The following ZNF407 variants were observed in gnomAD, a reference collection of about 807,000 sequenced individuals.
The protein encoded by ZNF407 is zinc finger protein 407.
In ZNF407, 17 loss-of-function variants were observed where a neutral mutation model predicts 131.2. The observed-to-expected ratio is 0.13, with a 90% CI of 0.09 to 0.19. The LOEUF (loss-of-function observed/expected upper bound fraction) is 0.19, where lower values mean the gene tolerates loss of function less well. ZNF407 is among the 10% of genes least tolerant of loss of function. ZNF407 has a pLI of 1.00. For synonymous variants in ZNF407, 1,156 were observed against 1,062.0 expected (o/e 1.09, Z -1.72); for missense variants, 2,681 against 2,830.6 (o/e 0.95, Z 1.20).
At chr18:74,650,050 T>C (rs897996432) in intron 3 of ZNF407, among the ~76,000 whole-genome samples, 3 of 152,228 alleles carry the variant, frequency 2.0e-5, no homozygotes, top group African/African-American at 7.2e-5. Context: ...TGTTTTCTCT[T>C]TTCCTTAAGA....
At chr18:74,978,585 A>G (rs566323718) in intron 8 of ZNF407, among the ~76,000 whole-genome samples, 1 of 152,010 alleles carries the variant, frequency 6.6e-6, no homozygotes, top group Non-Finnish European at 1.5e-5. Context: ...TTCCAGATGT[A>G]TGGCTTAATG....
chr18:74,808,160 T>C (rs1970141476), intron 4 of ZNF407, among the ~76,000 whole-genome samples: 1 of 152,096 alleles, frequency 6.6e-6, no homozygotes, highest in Admixed American at 6.5e-5. Context: ...ATTACATACA[T>C]GTGCCACCAC....
intron 1 of ZNF407, among the ~76,000 whole-genome samples, chr18:74,599,029 T>C (rs566744844): frequency 1.3e-5 from 2 of 152,288 alleles, no homozygotes; most frequent in South Asian, 4.1e-4. Context: ...TATGTATCTG[T>C]TTTGTGGTGA....
chr18:74,954,180 A>C (rs2145283259), intron 8 of ZNF407, among the ~76,000 whole-genome samples: 1 of 152,290 alleles, frequency 6.6e-6, no homozygotes, highest in Admixed American at 6.5e-5. Flanking sequence ...GCCAATTAGA[A>C]AAGCATTTTT....
chr18:74,983,873 C>G (rs191428648), intron 8 of ZNF407, among the ~76,000 whole-genome samples: 2 of 152,160 alleles, frequency 1.3e-5, no homozygotes, highest in Non-Finnish European at 2.9e-5. Context: ...TAGCCTGGCA[C>G]CGAGCAGCTC....
chr18:74,640,579 C>T (rs1319019278), intron 2 of ZNF407, among the ~76,000 whole-genome samples: 1 of 151,934 alleles, frequency 6.6e-6, no homozygotes, highest in Non-Finnish European at 1.5e-5. Flanking sequence ...AGGAGGTGGC[C>T]ACAGAGAAAT....
intron 4 of ZNF407, among the ~76,000 whole-genome samples, chr18:74,840,714 C>T (rs1970620238): frequency 1.3e-5 from 2 of 152,276 alleles, no homozygotes; most frequent in South Asian, 4.1e-4. Flanking sequence ...AGATCACCAT[C>T]TTCCTGTTTA....
At position 74,627,961 on chromosome 18, in the gene ZNF407, A is replaced by G. The variant is rs923444862; in HGVS notation, c.-53-3006A>G. ...TCAGTCGTAGCTCACTGCAGCCTCA[A>G]ACTCGGAGGCTCAAGCGATTTTCCC... is the stretch of plus-strand genomic sequence containing the variant. On this transcript the variant is annotated intron_variant, in intron 1 of 8. Transcript: ENST00000299687. Among the ~76,000 whole-genome samples, 4 of 151,666 alleles carry G rather than the reference A, an allele frequency of 2.6e-5. No individual in the cohort carries two copies. The South Asian group carries it at 8.4e-4, about 32-fold the overall frequency.
At chr18:74,642,233 G>C (rs958041969) in intron 3 of ZNF407, among the ~76,000 whole-genome samples, 23 of 152,104 alleles carry the variant, frequency 1.5e-4, no homozygotes, top group African/African-American at 5.6e-4. Flanking sequence ...TGCAGCTAAA[G>C]TAGATGAAGA....
intron 8 of ZNF407, among the ~76,000 whole-genome samples, chr18:74,941,981 G>A (rs1972104554): frequency 6.6e-6 from 1 of 152,152 alleles, no homozygotes; most frequent in African/African-American, 2.4e-5. Flanking sequence ...AAAAATAGAT[G>A]ATCTTCATTT....
At chr18:74,896,668 C>T (rs1599227473) in intron 7 of ZNF407, among the ~76,000 whole-genome samples, 2 of 152,156 alleles carry the variant, frequency 1.3e-5, no homozygotes, top group Admixed American at 1.3e-4. Flanking sequence ...GAAAGGTTCT[C>T]CTAGCTTGTG....
chr18:75,013,155 G>C (rs1043837143), intron 8 of ZNF407, among the ~76,000 whole-genome samples: 1 of 152,078 alleles, frequency 6.6e-6, no homozygotes, highest in Non-Finnish European at 1.5e-5. Flanking sequence ...GCCTGCGTGG[G>C]AGTCAGGATG....
intron 3 of ZNF407, among the ~76,000 whole-genome samples, chr18:74,716,338 T>G (rs985412036): frequency 2.6e-5 from 4 of 152,250 alleles, no homozygotes; most frequent in African/African-American, 7.2e-5. Flanking sequence ...CTTATTTTAT[T>G]CATTTGTTCT....
chr18:75,009,078 T>C (rs1184665544), intron 8 of ZNF407, among the ~76,000 whole-genome samples: 3 of 152,242 alleles, frequency 2.0e-5, no homozygotes, highest in African/African-American at 4.8e-5. Flanking sequence ...CTTTCTCTTC[T>C]GTTTATTCCA....
At chr18:74,754,262 C>T (rs936555455) in intron 3 of ZNF407, among the ~76,000 whole-genome samples, 3 of 152,018 alleles carry the variant, frequency 2.0e-5, no homozygotes, top group Non-Finnish European at 2.9e-5. Flanking sequence ...GTCTTGCTAG[C>T]GGTCTATCAA....
chr18:74,634,018 C>T lies in ZNF407; in HGVS notation c.2999C>T (p.Ala1000Val), dbSNP rs914165525. 5 of 1,613,894 alleles carry T rather than the reference C, an allele frequency of 3.1e-6. No homozygotes were observed. The highest frequency in any genetic ancestry group is 3.3e-5 in the Admixed American group (2 of 60,008). The change falls in exon 2 of 9, where the codon GCC (alanine) becomes GTC (valine). Residue 1000 changes from alanine (A) to valine (V), a missense_variant. Physicochemically the swap from Ala to Val is moderately conservative, Grantham distance 64. Coordinates refer to ENST00000299687, the MANE Select transcript of ZNF407 (RefSeq NM_017757.3). ...ATATCTTCAGAGCCAGAGGACTTCG[C>T]CCAGCCGGGGGATGTGTACTCCCAG... ...EQISSEPEDF[A>V]QPGDVYSQRD...
chr18:74,730,168 A>C (rs1055707223), intron 3 of ZNF407, among the ~76,000 whole-genome samples: 1 of 152,206 alleles, frequency 6.6e-6, no homozygotes, highest in Non-Finnish European at 1.5e-5. Flanking sequence ...GAAATTGTGC[A>C]TGGAAATTGG....
In ZNF407 at chr18:74,640,996, A is replaced by G; in HGVS notation, c.4688-12A>G. ...TCAAAATCAAATCATATTTTATGTTAAATTTACTCAGGATCAAAACCATTC... is the reference window on the plus strand; with the variant it reads ...TCAAAATCAAATCATATTTTATGTTGAATTTACTCAGGATCAAAACCATTC... On this transcript the variant is annotated splice_polypyrimidine_tract_variant and intron_variant, in intron 2 of 8. Transcript: ENST00000299687. 2 of 1,594,644 alleles carry G rather than the reference A, an allele frequency of 1.3e-6. No individual in the cohort carries two copies. The highest frequency in any genetic ancestry group is 3.3e-5 in the Admixed American group (2 of 59,904).
At chr18:74,820,838 G>C (rs1970330452) in intron 4 of ZNF407, among the ~76,000 whole-genome samples, 1 of 152,134 alleles carries the variant, frequency 6.6e-6, no homozygotes, top group Non-Finnish European at 1.5e-5. Context: ...CCTATGCCGT[G>C]AAAGTTGTGG....
Sources: allele counts gnomAD v4.1 joint callset (sites outside exome capture counted in the v4.1 genomes callset), GRCh38; gene constraint gnomAD v4.1.1; transcripts MANE v1.5; gene names NCBI Gene and HGNC (gene_info 2026-07-23, HGNC 2026-07-21).